HRNR: variants seen among roughly 807,000 people sequenced by gnomAD.
The protein encoded by HRNR is filaggrin family member 3.
In HRNR, 7 loss-of-function variants were observed where a neutral mutation model predicts 4.8. That is an observed-to-expected ratio of 1.47 (90% CI 0.83 to 2.75). The LOEUF (loss-of-function observed/expected upper bound fraction) is 2.75, where lower values mean the gene tolerates loss of function less well. HRNR is among the 30% of genes most tolerant of loss of function. The pLI is 0.00. For missense variants in HRNR, 2,879 were observed against 3,010.4 expected (o/e 0.96, Z 1.02); for synonymous variants, 1,023 against 1,242.7 (o/e 0.82, Z 3.72).
Position 152,219,389 on chromosome 1 carries a change from C to A in HRNR, c.2240G>T (p.Gly747Val). 3.7e-6 allele frequency: 6 copies of A among 1,614,050 alleles called. No homozygotes were observed. The highest frequency in any genetic ancestry group is 4.2e-6 in the Non-Finnish European group (5 of 1,180,016). ...ATGCTGACCATAGCTGGAAGACAAA[C>A]CTGAGCTAGATCCGTGTTGTTCACT... ...SRSEQHGSSS[G>V]LSSSYGQHGS... Residue 747 changes from glycine (G) to valine (V), a missense_variant, in exon 3 of 3, where the codon GGT becomes GTT. Gly to Val is a moderately radical substitution (Grantham distance 109). Coordinates refer to ENST00000368801, the MANE Select transcript of HRNR (RefSeq NM_001009931.3).
chr1:152,221,561 A>T, intron 2 of HRNR, 71 bp from the exon 3 acceptor site: 1 of 1,155,680 alleles, frequency 8.7e-7, no homozygotes, highest in Non-Finnish European at 1.2e-6. Flanking sequence ...GAACTGAAGG[A>T]AAGATGTGAA....
intron 1 of HRNR, among the ~76,000 whole-genome samples, chr1:152,223,829 G>A (rs1649082225): frequency 6.6e-6 from 1 of 152,290 alleles, no homozygotes; most frequent in South Asian, 2.1e-4. Context: ...CTCCAAGCAG[G>A]AAGTGACCCT....
rs751655859 is a variant in HRNR at position 152,213,164 on chromosome 1, C to G, written c.8465G>C (p.Gly2822Ala). The change falls in exon 3 of 3, where the codon GGA (glycine) becomes GCA (alanine). Residue 2822 changes from glycine (G) to alanine (A), a missense_variant. Around this residue, in one of 8 missense-constraint regions of HRNR, gnomAD observed 158 missense variants for 107.6 expected, o/e 1.47. Transcript: ENST00000368801. ...YCKGGSNHDG[G>A]SSGSYFLSFP... ...ACTGAGAAAATATGAGCCAGAACTTCCCCCATCATGGTTACTTCCTCCTTT... is the reference window on the plus strand; with the variant it reads ...ACTGAGAAAATATGAGCCAGAACTTGCCCCATCATGGTTACTTCCTCCTTT... 1 of 1,614,050 alleles carries G rather than the reference C, an allele frequency of 6.2e-7. No homozygotes were observed. The highest frequency in any genetic ancestry group is 8.5e-7 in the Non-Finnish European group (1 of 1,180,038).
Position 152,219,141 on chromosome 1 carries a change from G to A in HRNR, c.2488C>T (p.Gln830Ter), listed in dbSNP as rs768531463. Residue 830 changes from glutamine to a stop codon, truncating the protein, a stop_gained, in exon 3 of 3, where the codon CAG becomes TAG. Transcript: ENST00000368801. LOFTEE classifies it low-confidence loss of function (END_TRUNC). Reference sequence around the variant, plus strand: ...AAGTGACCTGAGGCAGAACCATGCTGACTATAGCCCTGTCCTGAGCCAGAC... The same window carrying A: ...AAGTGACCTGAGGCAGAACCATGCTAACTATAGCCCTGTCCTGAGCCAGAC... ...HESGSGQGYSQHGSASGHFSS... is the reference protein window; with the variant it reads ...HESGSGQGYS 6.2e-7 allele frequency: 1 copy of A among 1,613,590 alleles called. No individual in the cohort carries two copies. The highest frequency in any genetic ancestry group is 2.2e-5 in the East Asian group (1 of 44,816).
Position 152,220,520 on chromosome 1 carries a change from T to G in HRNR, c.1109A>C (p.His370Pro). The change falls in exon 3 of 3, where the codon CAC (histidine) becomes CCC (proline). Residue 370 changes from histidine to proline, a missense_variant. Physicochemically the swap from His to Pro is moderately conservative, Grantham distance 77 (BLOSUM62 -2). Transcript: ENST00000368801. ...GYSKHGSGSGHSSSQGQHGST... is the reference protein window; with the variant it reads ...GYSKHGSGSGPSSSQGQHGST... ...TCCATGTTGTCCCTGGCTAGAGGAG[T>G]GACCTGAGCCAGAACCATGCTTACT... 1.9e-6 allele frequency: 3 copies of G among 1,611,698 alleles called. No individual in the cohort carries two copies. The highest frequency in any genetic ancestry group is 3.3e-5 in the Admixed American group (2 of 59,858).
At position 152,219,541 on chromosome 1, in the gene HRNR, G is replaced by T. The variant is rs1356236361; in HGVS notation, c.2088C>A (p.Gly696=). The change falls in exon 3 of 3, where the codon GGC becomes GGA. Residue 696 remains glycine, a synonymous_variant. Coordinates refer to ENST00000368801, the MANE Select transcript of HRNR (RefSeq NM_001009931.3). ...ACTTGTGACCAAAGCCGGAAGACTG[G>T]CCTGAGACAGACCCATGTGGGCCAT... ...SSNGPHGSVS[G]QSSGFGHKSG... 3.1e-6 allele frequency: 5 copies of T among 1,613,640 alleles called. No individual in the cohort carries two copies. Among genetic ancestry groups the T allele is most frequent in the Admixed American group, 1.7e-5 (1 of 59,956 alleles).
At chr1:152,223,627 GT>G (rs1649073191) in intron 1 of HRNR, among the ~76,000 whole-genome samples, 1 of 152,128 alleles carries the variant, frequency 6.6e-6, no homozygotes, top group Admixed American at 6.5e-5. Context: ...CTCTTTCTAG[GT>G]TCGAAGCATA....
Position 152,223,191 on chromosome 1 carries a change from C to T in HRNR, c.63G>A (p.Gln21=), listed in dbSNP as rs1570848640. 6.2e-7 allele frequency: 1 copy of T among 1,613,732 alleles called. No individual in the cohort carries two copies. Among genetic ancestry groups the T allele is most frequent in the Non-Finnish European group, 8.5e-7 (1 of 1,179,748 alleles). Reference sequence around the variant, plus strand: ...TGTTCAACGTATCATACTCCCCATGCTGGGTGGCATATTGGTAGAAAACAT... The same window carrying T: ...TGTTCAACGTATCATACTCCCCATGTTGGGTGGCATATTGGTAGAAAACAT... ...VIDVFYQYAT[Q]HGEYDTLNKA... Residue 21 remains glutamine, a synonymous_variant, in exon 2 of 3, where the codon CAG becomes CAA. Coordinates refer to ENST00000368801, the MANE Select transcript of HRNR (RefSeq NM_001009931.3).
chr1:152,212,489 TACTGATTAAATATATACCCAAGAAAAAGG>T lies in HRNR; in HGVS notation c.*558_*586del, dbSNP rs1292897336. On this transcript the variant is annotated 3_prime_UTR_variant, in exon 3 of 3. Coordinates refer to ENST00000368801, the MANE Select transcript of HRNR (RefSeq NM_001009931.3). ...TACTTTTTTATGCCACTAATTAACTTACTGATTAAATATATACCCAAGAAAAAGGACTTGATGGTTTTGATAAGTAAAGA... is the reference window on the plus strand; with the variant it reads ...TACTTTTTTATGCCACTAATTAACTTACTTGATGGTTTTGATAAGTAAAGA... 3 of 153,396 alleles carry T rather than the reference TACTGATTAAATATATACCCAAGAAAAAGG, an allele frequency of 2.0e-5. No individual in the cohort carries two copies. Among genetic ancestry groups the T allele is most frequent in the African/African-American group, 7.2e-5 (3 of 41,432 alleles). 9.5% of individuals were successfully genotyped at this position (153,396 alleles called of 1,614,324 possible).
At position 152,212,535 on chromosome 1, in the gene HRNR, A is replaced by C. The variant is rs1010565700; in HGVS notation, c.*541T>G. The C allele has an allele frequency of 6.4e-6, 1 of 156,998 alleles. No individual in the cohort carries two copies. Among genetic ancestry groups the C allele is most frequent in the Non-Finnish European group, 1.4e-5 (1 of 70,970 alleles). 9.7% of individuals were successfully genotyped at this position (156,998 alleles called of 1,614,324 possible). On this transcript the variant is annotated 3_prime_UTR_variant, in exon 3 of 3. Coordinates refer to ENST00000368801, the MANE Select transcript of HRNR (RefSeq NM_001009931.3). ...AGAAAAAGGACTTGATGGTTTTGAT[A>C]AGTAAAGACACTACCGCTGCTGCAT...
chr1:152,212,674 C>T lies in HRNR; in HGVS notation c.*402G>A. On this transcript the variant is annotated 3_prime_UTR_variant, in exon 3 of 3. Transcript: ENST00000368801. Reference sequence around the variant, plus strand: ...ATTGCTGTAAAACAAAGCTTTGTATCTAGGACTGGTAATGCATTTGTAATA... The same window carrying T: ...ATTGCTGTAAAACAAAGCTTTGTATTTAGGACTGGTAATGCATTTGTAATA... 1 of 231,850 alleles carries T rather than the reference C, an allele frequency of 4.3e-6. No homozygotes were observed. Among genetic ancestry groups the T allele is most frequent in the Non-Finnish European group, 8.4e-6 (1 of 119,714 alleles). The allele number at this position is 231,850 out of a possible 1,614,324, so 14.4% of individuals were successfully genotyped here.
rs146596961 is a variant in HRNR, at chr1:152,220,642, T to C, written c.987A>G (p.Ser329=). Residue 329 remains serine (S), a synonymous_variant, in exon 3 of 3, where the codon TCA becomes TCG. Coordinates refer to ENST00000368801, the MANE Select transcript of HRNR (RefSeq NM_001009931.3). ...SSSHGQHGSG[S]SYSYSRGHYE... ...AATGGCCACGGCTGTAAGAGTAACT[T>C]GAGCCAGACCCGTGTTGGCCGTGGC... 6.2e-7 allele frequency: 1 copy of C among 1,611,768 alleles called. No homozygotes were observed. The highest frequency in any genetic ancestry group is 8.5e-7 in the Non-Finnish European group (1 of 1,178,936).
rs755015130 is a variant in HRNR at position 152,219,346 on chromosome 1, T to C, written c.2283A>G (p.Gln761=). The part of the protein sequence containing the change: ...SYGQHGSGSH[Q]SSGHGRQGSG... ...ACCCTTGTCGGCCGTGGCCCGAAGA[T>C]TGATGGGAGCCCGACCCATGCTGAC... Residue 761 remains glutamine (Q), a synonymous_variant, in exon 3 of 3, where the codon CAA becomes CAG. Coordinates refer to ENST00000368801, the MANE Select transcript of HRNR (RefSeq NM_001009931.3). The C allele has an allele frequency of 2.1e-5, 33 of 1,603,518 alleles. No individual in the cohort carries two copies. Among genetic ancestry groups the C allele is most frequent in the Non-Finnish European group, 2.4e-5 (28 of 1,176,924 alleles).
In HRNR at chr1:152,218,586, C is replaced by A. The variant is rs748526420; in HGVS notation, c.3043G>T (p.Gly1015Trp). The A allele has an allele frequency of 1.1e-5, 18 of 1,613,796 alleles. No homozygotes were observed. In the East Asian group the frequency reaches 2.5e-4, roughly 22 times the overall value. Residue 1015 changes from glycine to tryptophan, a missense_variant, in exon 3 of 3, where the codon GGG becomes TGG. Coordinates refer to ENST00000368801, the MANE Select transcript of HRNR (RefSeq NM_001009931.3). ...CTGGAAGACTGCCCGGAACCAGACCCATGTCGGCCACGGCTAGGGCTAGGA... is the reference window on the plus strand; with the variant it reads ...CTGGAAGACTGCCCGGAACCAGACCAATGTCGGCCACGGCTAGGGCTAGGA... ...QSPSPSRGRH[G>W]SGSGQSSSYG...
Position 152,218,880 on chromosome 1 carries a change from A to G in HRNR, c.2749T>C (p.Ser917Pro), listed in dbSNP as rs1160675313. The G allele has an allele frequency of 6.2e-7, 1 of 1,613,668 alleles. No homozygotes were observed. The highest frequency in any genetic ancestry group is 2.2e-5 in the East Asian group (1 of 44,822). ...GRHGSGSGRS[S>P]SSGRHGSGSG... is the part of the protein sequence containing the mutation. ...CCAGACCCATGTCGGCCACTGCTGG[A>G]AGACCGACCGGAGCCAGACCCATGT... Residue 917 changes from serine to proline, a missense_variant, in exon 3 of 3, where the codon TCC becomes CCC. This residue lies in a region of HRNR where 2,646 missense variants were observed against 1,377.7 expected (regional missense o/e 1.92). Coordinates refer to ENST00000368801, the MANE Select transcript of HRNR (RefSeq NM_001009931.3).
At position 152,220,205 on chromosome 1, in the gene HRNR, G is replaced by A. The variant is rs1648908296; in HGVS notation, c.1424C>T (p.Ser475Phe). 2 of 1,613,846 alleles carry A rather than the reference G, an allele frequency of 1.2e-6. No homozygotes were observed. The highest frequency in any genetic ancestry group is 2.2e-5 in the East Asian group (1 of 44,846). Residue 475 changes from serine to phenylalanine, a missense_variant, in exon 3 of 3, where the codon TCC becomes TTC. Coordinates refer to ENST00000368801, the MANE Select transcript of HRNR (RefSeq NM_001009931.3). ...AGATCCATGCTGAGTGTAACCAGAG[G>A]AATGCTCTGAGCTAGACTCGTGGTG... ...FGHHESSSEHSSGYTQHGSGS... is the reference protein window; with the variant it reads ...FGHHESSSEHFSGYTQHGSGS...
Position 152,220,020 on chromosome 1 carries a change from A to G in HRNR, c.1609T>C (p.Ser537Pro), listed in dbSNP as rs1648890503. Reference protein sequence around the residue: ...SLGHSRHGSGSGQSPSPSRGR... With the variant: ...SLGHSRHGSGPGQSPSPSRGR... ...CGGCTAGGGCTAGGAGACTGGCCAG[A>G]TCCAGACCCATGTCGGCTGTGTCCC... Residue 537 changes from serine (S) to proline (P), a missense_variant, in exon 3 of 3, where the codon TCT (serine) becomes CCT (proline). By Grantham distance (74) the Ser-to-Pro change is moderately conservative (BLOSUM62 -1). This residue lies in a region of HRNR where 2,646 missense variants were observed against 1,377.7 expected (regional missense o/e 1.92). Transcript: ENST00000368801. 6.2e-7 allele frequency: 1 copy of G among 1,613,908 alleles called. No homozygotes were observed. Among genetic ancestry groups the G allele is most frequent in the Non-Finnish European group, 8.5e-7 (1 of 1,180,008 alleles).
Position 152,220,073 on chromosome 1 carries a change from T to A in HRNR, c.1556A>T (p.Gln519Leu). The A allele has an allele frequency of 1.2e-6, 2 of 1,613,752 alleles. No homozygotes were observed. Among genetic ancestry groups the A allele is most frequent in the Non-Finnish European group, 1.7e-6 (2 of 1,179,832 alleles). ...SSAGSSSSYG[Q>L]HGSGSRQSLG... ...AGATTGACGGGAGCCAGACCCATGC[T>A]GACCATAGCTGGAAGATGAACCTGC... is the stretch of plus-strand genomic sequence containing the variant. The change falls in exon 3 of 3, where the codon CAG becomes CTG. Residue 519 changes from glutamine (Q) to leucine (L), a missense_variant. Gln to Leu is a moderately radical substitution (Grantham distance 113). This residue lies in a region of HRNR where 2,646 missense variants were observed against 1,377.7 expected (regional missense o/e 1.92). Transcript: ENST00000368801.
At position 152,221,400 on chromosome 1, in the gene HRNR, T is replaced by C; in HGVS notation, c.229A>G (p.Met77Val). Residue 77 changes from methionine (M) to valine (V), a missense_variant, in exon 3 of 3, where the codon ATG (methionine) becomes GTG (valine). Transcript: ENST00000368801. ...KKVDFTEYLL[M>V]IFKLVQARNK... ...CGAGCCTGAACCAGCTTGAATATCA[T>C]CAGAAGATACTCAGTAAAATCCACT... 6.2e-7 allele frequency: 1 copy of C among 1,613,854 alleles called. No individual in the cohort carries two copies. The highest frequency in any genetic ancestry group is 8.5e-7 in the Non-Finnish European group (1 of 1,179,914).
Sources: allele counts gnomAD v4.1 joint callset (sites outside exome capture counted in the v4.1 genomes callset), GRCh38; gene constraint gnomAD v4.1.1; regional missense constraint gnomAD v4.1.1; transcripts MANE v1.5; gene names NCBI Gene and HGNC (gene_info 2026-07-23, HGNC 2026-07-21).